LTBP1: variants seen among roughly 807,000 people sequenced by gnomAD.
The protein encoded by LTBP1 is latent-transforming growth factor beta-binding protein 1.
LTBP1 carries 129 observed loss-of-function variants against 207.6 expected under a neutral mutation model. The ratio of observed to expected loss-of-function variants is 0.62; its 90% CI spans 0.54 to 0.72. The LOEUF is 0.72. Among genes scored for constraint, LTBP1 ranks in the 30% least tolerant of loss-of-function variants. The pLI is 0.00. For synonymous variants in LTBP1, 963 were observed against 833.7 expected, an observed-to-expected ratio of 1.16 and a Z score of -2.67; for missense variants, 2,281 against 2,217.2, an observed-to-expected ratio of 1.03 and a Z score of -0.58.
intron 4 of LTBP1, among the ~76,000 whole-genome samples, chr2:33,118,047 T>A (rs1488637627): frequency 1.3e-5 from 2 of 152,106 alleles, no homozygotes; most frequent in African/African-American, 4.8e-5. Flanking sequence ...ACATCCTCGC[T>A]GATAGGTCCT....
At chr2:33,259,709 C>T (rs1573479212) in intron 13 of LTBP1, 99 bp downstream of exon 13, 3 of 1,084,304 alleles carry the variant, frequency 2.8e-6, no homozygotes. Context: ...ATAGTAACAT[C>T]TCTATTATGC....
rs2094757898 is a variant in LTBP1, at chr2:33,349,938, C to T, written c.4000+2428C>T. 2.0e-5 allele frequency among the ~76,000 whole-genome samples: 3 copies of T among 152,186 alleles called. No homozygotes were observed. In the South Asian group the frequency reaches 6.2e-4, roughly 31 times the overall value. ...GACCTCTGCAAGAATAGCCGTCTGG[C>T]TCTGAGCATTCTCCCTTCCATGAGC... On this transcript the variant is annotated intron_variant, in intron 26 of 33. Transcript: ENST00000404816.
intron 31 of LTBP1, among the ~76,000 whole-genome samples, chr2:33,381,532 C>G (rs1455759305): frequency 2.0e-5 from 3 of 152,120 alleles, no homozygotes; most frequent in African/African-American, 7.2e-5. Flanking sequence ...TCATTACTTC[C>G]CTGTCCTCGA....
At chr2:33,380,164 A>T (rs1312048502) in intron 31 of LTBP1, among the ~76,000 whole-genome samples, 22 of 152,186 alleles carry the variant, frequency 1.4e-4, no homozygotes, top group Non-Finnish European at 1.5e-5. Flanking sequence ...TCTGAAAAAT[A>T]TCTAGATGGG....
chr2:33,378,181 ATATATGTG>A (rs1169802726), intron 31 of LTBP1, among the ~76,000 whole-genome samples: 1 of 115,924 alleles, frequency 8.6e-6, no homozygotes, highest in Non-Finnish European at 1.8e-5. Context: ...TCATATATAT[ATATATGTG>A]TGTGTGTGTG....
At chr2:32,971,173 C>G (rs1187100323) in intron 2 of LTBP1, among the ~76,000 whole-genome samples, 1 of 152,092 alleles carries the variant, frequency 6.6e-6, no homozygotes, top group South Asian at 2.1e-4. Context: ...AGTTATTTAT[C>G]ACATCTAGGA....
intron 10 of LTBP1, among the ~76,000 whole-genome samples, chr2:33,251,565 T>A (rs2092684601): frequency 6.7e-6 from 1 of 149,434 alleles, no homozygotes; most frequent in Non-Finnish European, 1.5e-5. Context: ...CTCAGGAGGC[T>A]GAGGCAGGAG....
intron 18 of LTBP1, among the ~76,000 whole-genome samples, chr2:33,277,795 T>TTCTTTCTTTCTCTC (rs1394277684): frequency 1.9e-5 from 2 of 107,966 alleles, no homozygotes; most frequent in Non-Finnish European, 1.9e-5. Flanking sequence ...CTTTCTTTCT[T>TTCTTTCTTTCTCTC]TCTCTCTCTC....
chr2:33,097,105 T>C (rs2079441122), intron 3 of LTBP1, among the ~76,000 whole-genome samples: 1 of 152,200 alleles, frequency 6.6e-6, no homozygotes, highest in Non-Finnish European at 1.5e-5. Flanking sequence ...TAGAATCATA[T>C]TTGCCTATAG....
intron 19 of LTBP1, among the ~76,000 whole-genome samples, chr2:33,287,121 A>T (rs943967593): frequency 6.6e-6 from 1 of 151,796 alleles, no homozygotes; most frequent in African/African-American, 2.4e-5. Flanking sequence ...CAACAACAAC[A>T]ACTTTTGAAA....
intron 19 of LTBP1, among the ~76,000 whole-genome samples, chr2:33,292,191 G>C (rs1320281360): frequency 6.6e-6 from 1 of 152,262 alleles, no homozygotes; most frequent in South Asian, 2.1e-4. Flanking sequence ...TTGAAAAATA[G>C]TAATATGTAG....
intron 2 of LTBP1, among the ~76,000 whole-genome samples, chr2:32,963,341 A>G (rs1679433041): frequency 6.6e-6 from 1 of 151,272 alleles, no homozygotes; most frequent in South Asian, 2.1e-4. Context: ...AGTAGCTAGG[A>G]CTACAGATGC....
chr2:33,143,157 A>G (rs1027554732), intron 5 of LTBP1, among the ~76,000 whole-genome samples: 8 of 151,998 alleles, frequency 5.3e-5, no homozygotes, highest in Non-Finnish European at 7.4e-5. Flanking sequence ...TGGAGGGTAC[A>G]TTTCCCTACC....
intron 3 of LTBP1, among the ~76,000 whole-genome samples, chr2:33,105,961 C>G (rs143926648): frequency 1.0e-3 from 155 of 152,324 alleles, no homozygotes; most frequent in Middle Eastern, 6.8e-3. Context: ...TCAGTCCTCT[C>G]AAATCCTGCT....
At chr2:32,998,409 G>A (rs1019800749) in intron 2 of LTBP1, among the ~76,000 whole-genome samples, 14 of 147,974 alleles carry the variant, frequency 9.5e-5, no homozygotes, top group African/African-American at 2.7e-4. Flanking sequence ...CCAGCTACTC[G>A]GGAGGCTGAG....
At chr2:33,298,840 A>T (rs969058636) in intron 20 of LTBP1, among the ~76,000 whole-genome samples, 1 of 152,188 alleles carries the variant, frequency 6.6e-6, no homozygotes. Context: ...TTGAACTCCA[A>T]TTACATTAAT....
chr2:33,347,469 A>G lies in LTBP1; in HGVS notation c.3959A>G (p.Tyr1320Cys), dbSNP rs748096563. Residue 1320 changes from tyrosine to cysteine, a missense_variant, in exon 26 of 34, where the codon TAC (tyrosine) becomes TGC (cysteine). Tyr to Cys is a radical substitution (Grantham distance 194, BLOSUM62 -2). Coordinates refer to ENST00000404816, the MANE Select transcript of LTBP1 (RefSeq NM_206943.4). ...GTGTGTGCTGATGAAAACCAAGAGT[A>G]CAGCCCCATGACTGGGCAGTGCCGC... is the stretch of plus-strand genomic sequence containing the variant. The part of the protein sequence containing the change: ...LCVCADENQE[Y>C]SPMTGQCRSR... 3 of 1,614,184 alleles carry G rather than the reference A, an allele frequency of 1.9e-6. No individual in the cohort carries two copies. In the Admixed American group the frequency reaches 5.0e-5, roughly 27 times the overall value.
At chr2:33,386,228 C>T (rs2095264292) in intron 31 of LTBP1, among the ~76,000 whole-genome samples, 1 of 152,198 alleles carries the variant, frequency 6.6e-6, no homozygotes, top group Non-Finnish European at 1.5e-5. Context: ...TTCAGGTCCA[C>T]CTTTTGCAGG....
chr2:33,253,878 G>A (rs1215045922), intron 11 of LTBP1, among the ~76,000 whole-genome samples: 13 of 142,668 alleles, frequency 9.1e-5, no homozygotes, highest in Non-Finnish European at 3.0e-5. Flanking sequence ...GCCATCTGAT[G>A]CACTTTTTTT....
Sources: gnomAD v4.1 joint callset for allele counts (sites outside exome capture counted in the v4.1 genomes callset) on GRCh38, gnomAD v4.1.1 for gene constraint, MANE v1.5 for transcripts, NCBI Gene and HGNC (gene_info 2026-07-23, HGNC 2026-07-21) for gene names.